LRP1B: variants seen among roughly 807,000 people sequenced by gnomAD.
The protein encoded by LRP1B is low-density lipoprotein receptor-related protein 1B.
Under a neutral mutation model 556.6 loss-of-function variants are expected in LRP1B, and 217 were observed. The ratio of observed to expected loss-of-function variants is 0.39; its 90% confidence interval spans 0.35 to 0.44. The LOEUF (loss-of-function observed/expected upper bound fraction) is 0.44. Among genes scored for constraint, LRP1B ranks in the 20% least tolerant of loss-of-function variants. The pLI, the probability that LRP1B is intolerant of heterozygous loss-of-function variation, is 1.00. For missense variants in LRP1B, 5,053 were observed against 5,620.8 expected (o/e 0.90, Z 3.23); for synonymous variants, 2,047 against 1,865.8 (o/e 1.10, Z -2.50).
intron 1 of LRP1B, among the ~76,000 whole-genome samples, chr2:141,965,682 C>T (rs1701539156): frequency 1.5e-5 from 2 of 135,098 alleles, no homozygotes; most frequent in Non-Finnish European, 3.1e-5. Context: ...ACCAGCATGG[C>T]ACATGTATAC....
In LRP1B at chr2:140,345,675, G is replaced by GAT. The variant is rs960020205; in HGVS notation, c.11892+5120_11892+5121dup. ...ATGTGTGTGTGTATATATATATATA[G>GAT]ATATATATATAAAATTCATGTCCTC... On this transcript the variant is annotated intron_variant, in intron 77 of 90. Transcript: ENST00000389484. Among the ~76,000 whole-genome samples, 24 of 141,982 alleles carry GAT rather than the reference G, an allele frequency of 1.7e-4. No individual in the cohort carries two copies. The East Asian group carries it at 1.8e-3, about 11-fold the overall frequency. The allele number at this position is 141,982 out of a possible 152,430, so 93.1% of individuals were successfully genotyped here.
chr2:141,413,490 C>T (rs1690934507), intron 3 of LRP1B, among the ~76,000 whole-genome samples: 1 of 152,150 alleles, frequency 6.6e-6, no homozygotes, highest in South Asian at 2.1e-4. Context: ...GAAAGGAATG[C>T]AGCCCGGCCA....
rs1700347364 is a variant in LRP1B, at chr2:141,926,857, C to T, written c.83-116456G>A. ...TGTCCTAAGATCACTTAGTGATTAT[C>T]CTAACAAGGTGAACTATTTTTTTCT... On this transcript the variant is annotated intron_variant, in intron 1 of 90. Coordinates refer to ENST00000389484, the MANE Select transcript of LRP1B (RefSeq NM_018557.3). Among the ~76,000 whole-genome samples the T allele has an allele frequency of 2.6e-5, 4 of 152,168 alleles. No individual in the cohort carries two copies. In the South Asian group the frequency reaches 8.3e-4, roughly 32 times the overall value.
At chr2:141,853,682 T>A (rs1028386219) in intron 1 of LRP1B, among the ~76,000 whole-genome samples, 3 of 151,868 alleles carry the variant, frequency 2.0e-5, no homozygotes, top group African/African-American at 7.2e-5. Flanking sequence ...TACATCATTG[T>A]CAAATGAACT....
chr2:142,003,738 C>G (rs1574582794), intron 1 of LRP1B, among the ~76,000 whole-genome samples: 1 of 152,198 alleles, frequency 6.6e-6, no homozygotes, highest in Admixed American at 6.5e-5. Context: ...CTACCGTGTA[C>G]TCCCACAATC....
chr2:141,421,254 C>T (rs760244400), intron 3 of LRP1B, among the ~76,000 whole-genome samples: 6 of 152,024 alleles, frequency 3.9e-5, no homozygotes, highest in Non-Finnish European at 7.4e-5. Context: ...TTCGGCCGGG[C>T]GCGGTGGCTC....
intron 7 of LRP1B, among the ~76,000 whole-genome samples, chr2:141,153,976 A>C (rs1702003596): frequency 6.6e-6 from 1 of 151,792 alleles, no homozygotes; most frequent in Non-Finnish European, 1.5e-5. Flanking sequence ...CTCTCTGAGA[A>C]TAGCAAAACA....
At chr2:140,408,230 A>G (rs1198586757) in intron 66 of LRP1B, among the ~76,000 whole-genome samples, 1 of 151,916 alleles carries the variant, frequency 6.6e-6, no homozygotes, top group Admixed American at 6.6e-5. Flanking sequence ...GGTACAGTGT[A>G]TATTGCTTGG....
At chr2:140,455,814 G>T (rs1476450600) in intron 62 of LRP1B, among the ~76,000 whole-genome samples, 1 of 152,090 alleles carries the variant, frequency 6.6e-6, no homozygotes, top group Non-Finnish European at 1.5e-5. Flanking sequence ...AATATAGTTT[G>T]ACAGTTTTAT....
intron 11 of LRP1B, among the ~76,000 whole-genome samples, chr2:141,036,989 G>A (rs144606495): frequency 1.9e-4 from 29 of 152,156 alleles, no homozygotes; most frequent in African/African-American, 6.5e-4. Flanking sequence ...CAGACACGCA[G>A]GACCTAAGAC....
At chr2:140,488,428 G>T (rs1433581396) in intron 57 of LRP1B, among the ~76,000 whole-genome samples, 1 of 151,918 alleles carries the variant, frequency 6.6e-6, no homozygotes, top group South Asian at 2.1e-4. Context: ...TCAGACTCAT[G>T]GTTATGCATT....
At chr2:141,199,965 C>T (rs565875289) in intron 6 of LRP1B, among the ~76,000 whole-genome samples, 1 of 152,232 alleles carries the variant, frequency 6.6e-6, no homozygotes, top group East Asian at 1.9e-4. Flanking sequence ...AACACTCACA[C>T]CCTGTTGGTG....
At chr2:142,078,124 C>T (rs2104924925) in intron 1 of LRP1B, among the ~76,000 whole-genome samples, 1 of 152,152 alleles carries the variant, frequency 6.6e-6, no homozygotes, top group East Asian at 1.9e-4. Context: ...GCTTATCTGC[C>T]ACACGATATG....
At chr2:141,594,165 C>T (rs920841865) in intron 2 of LRP1B, among the ~76,000 whole-genome samples, 3 of 152,060 alleles carry the variant, frequency 2.0e-5, no homozygotes, top group Non-Finnish European at 4.4e-5. Context: ...TTCTCACCAT[C>T]GAGTAGGGGA....
intron 2 of LRP1B, among the ~76,000 whole-genome samples, chr2:141,626,897 T>A (rs1011747239): frequency 5.9e-5 from 9 of 152,192 alleles, no homozygotes; most frequent in Non-Finnish European, 1.0e-4. Context: ...CCAGATTTTT[T>A]AAAAAGTAAA....
intron 7 of LRP1B, among the ~76,000 whole-genome samples, chr2:141,147,294 T>G (rs894853418): frequency 6.6e-6 from 1 of 152,152 alleles, no homozygotes. Context: ...CTCTCACCCC[T>G]TTGAAAGCAG....
intron 71 of LRP1B, among the ~76,000 whole-genome samples, chr2:140,369,776 T>C (rs1363174052): frequency 6.6e-6 from 1 of 152,002 alleles, no homozygotes; most frequent in Non-Finnish European, 1.5e-5. Context: ...AAAATACTGT[T>C]TTTCTTAGGT....
intron 77 of LRP1B, among the ~76,000 whole-genome samples, chr2:140,349,204 A>G (rs755815491): frequency 3.3e-5 from 5 of 152,084 alleles, no homozygotes; most frequent in Non-Finnish European, 7.4e-5. Context: ...CCTGAACTAA[A>G]GGACAATCAA....
intron 1 of LRP1B, among the ~76,000 whole-genome samples, chr2:142,016,852 A>ATATGTGTTTATATG: frequency 8.6e-6 from 1 of 116,460 alleles, no homozygotes; most frequent in African/African-American, 3.0e-5. Flanking sequence ...ATATATGTAT[A>ATATGTGTTTATATG]TATATACACA....
Sources: allele counts gnomAD v4.1 joint callset (sites outside exome capture counted in the v4.1 genomes callset), GRCh38; gene constraint gnomAD v4.1.1; transcripts MANE v1.5; gene names NCBI Gene and HGNC (gene_info 2026-07-23, HGNC 2026-07-21).